RPS6KC1: variants seen among roughly 807,000 people sequenced by gnomAD.
RPS6KC1 encodes ribosomal protein S6 kinase C1.
In RPS6KC1, 54 loss-of-function variants were observed where a neutral mutation model predicts 103.8. The ratio of observed to expected loss-of-function variants is 0.52; its 90% confidence interval spans 0.42 to 0.65. The LOEUF is 0.65. RPS6KC1 is among the 30% of genes least tolerant of loss of function. The pLI is 0.00. For missense variants in RPS6KC1, 1,151 were observed against 1,253.8 expected, an observed-to-expected ratio of 0.92 and a Z score of 1.24; for synonymous variants, 439 against 438.7, an observed-to-expected ratio of 1.00 and a Z score of -0.01.
intron 8 of RPS6KC1, among the ~76,000 whole-genome samples, chr1:213,229,039 G>T (rs2094026170): frequency 6.6e-6 from 1 of 152,150 alleles, no homozygotes; most frequent in Non-Finnish European, 1.5e-5. Flanking sequence ...TTCAGAGCAT[G>T]CATGGAAGAT....
the RPS6KC1 span, among the ~76,000 whole-genome samples, chr1:213,316,765 CAG>C: frequency 6.6e-6 from 1 of 151,138 alleles, no homozygotes; most frequent in Non-Finnish European, 1.5e-5. Flanking sequence ...TATTTTTACA[CAG>C]AGTGATTGAG....
At chr1:213,662,334 C>A in the RPS6KC1 span, among the ~76,000 whole-genome samples, 1 of 151,874 alleles carries the variant, frequency 6.6e-6, no homozygotes, top group Non-Finnish European at 1.5e-5. Context: ...GTGGCATGAT[C>A]TCCTGCAACC....
At chr1:213,252,639 T>A (rs1457926934) in intron 12 of RPS6KC1, among the ~76,000 whole-genome samples, 1 of 152,210 alleles carries the variant, frequency 6.6e-6, no homozygotes, top group Non-Finnish European at 1.5e-5. Context: ...TTGTTCCTTA[T>A]GGTTTTTTTC....
At chr1:213,117,434 A>C (rs563418335) in intron 5 of RPS6KC1, 24 bp downstream of exon 5, 31 of 1,415,778 alleles carry the variant, frequency 2.2e-5, no homozygotes, top group Non-Finnish European at 2.9e-5. Flanking sequence ...ATTTTTTTGC[A>C]TTTCAAAGGT....
the RPS6KC1 span, among the ~76,000 whole-genome samples, chr1:213,698,710 A>G: frequency 0.46 from 69,783 of 151,808 alleles, 18,355 homozygotes; most frequent in East Asian, 0.66. Context: ...ACATCTTTCA[A>G]TATGTGTTCT....
the RPS6KC1 span, among the ~76,000 whole-genome samples, chr1:213,521,971 T>C: frequency 1.3e-4 from 20 of 152,232 alleles, no homozygotes; most frequent in Non-Finnish European, 2.4e-4. Flanking sequence ...CTCCTGTGAA[T>C]CACAAATGTT....
the RPS6KC1 span, among the ~76,000 whole-genome samples, chr1:213,527,456 C>G: frequency 1.3e-5 from 2 of 152,172 alleles, no homozygotes; most frequent in Non-Finnish European, 2.9e-5. Flanking sequence ...GACCTACTGT[C>G]TTTCCATGAT....
the RPS6KC1 span, among the ~76,000 whole-genome samples, chr1:213,343,440 T>TATACACATATACAC: frequency 1.2e-5 from 1 of 80,382 alleles, no homozygotes; most frequent in African/African-American, 5.0e-5. Context: ...TATATATATA[T>TATACACATATACAC]ACATACCATG....
At chr1:213,392,927 C>T in the RPS6KC1 span, among the ~76,000 whole-genome samples, 2 of 152,148 alleles carry the variant, frequency 1.3e-5, no homozygotes, top group African/African-American at 4.8e-5. Flanking sequence ...CTAGCTGGCT[C>T]TTTCTTTTCA....
the RPS6KC1 span, among the ~76,000 whole-genome samples, chr1:213,312,712 C>G: frequency 6.6e-6 from 1 of 152,208 alleles, no homozygotes; most frequent in African/African-American, 2.4e-5. Context: ...TTCCCCAGCT[C>G]CACAATATGA....
intron 1 of RPS6KC1, among the ~76,000 whole-genome samples, chr1:213,053,540 A>C (rs1349979290): frequency 6.6e-6 from 1 of 152,218 alleles, no homozygotes; most frequent in Non-Finnish European, 1.5e-5. Context: ...ATAGTAGAAG[A>C]GAGTTTAGTA....
chr1:213,646,076 G>C, the RPS6KC1 span, among the ~76,000 whole-genome samples: 8 of 152,316 alleles, frequency 5.3e-5, no homozygotes, highest in African/African-American at 1.9e-4. Flanking sequence ...AGCGTGTAAA[G>C]CATAACATAA....
At chr1:213,538,648 G>A in the RPS6KC1 span, among the ~76,000 whole-genome samples, 1 of 152,164 alleles carries the variant, frequency 6.6e-6, no homozygotes, top group South Asian at 2.1e-4. Flanking sequence ...TGGGCAGAGG[G>A]TGCAGGTAGG....
intron 3 of RPS6KC1, among the ~76,000 whole-genome samples, chr1:213,091,791 T>C (rs1278988944): frequency 1.3e-5 from 2 of 152,194 alleles, no homozygotes; most frequent in Non-Finnish European, 2.9e-5. Context: ...TAGGCCCAGT[T>C]GTTTATGTTT....
At chr1:213,528,530 C>T in the RPS6KC1 span, among the ~76,000 whole-genome samples, 1 of 152,250 alleles carries the variant, frequency 6.6e-6, no homozygotes, top group African/African-American at 2.4e-5. Context: ...ACAATTTGAT[C>T]TTTTGGTACA....
At chr1:213,765,520 T>G in the RPS6KC1 span, among the ~76,000 whole-genome samples, 3 of 152,314 alleles carry the variant, frequency 2.0e-5, no homozygotes, top group East Asian at 5.8e-4. Flanking sequence ...TTGAATTAGA[T>G]CCTCTTGAAG....
the RPS6KC1 span, among the ~76,000 whole-genome samples, chr1:213,531,724 C>A: frequency 6.6e-6 from 1 of 152,208 alleles, no homozygotes; most frequent in African/African-American, 2.4e-5. Flanking sequence ...CTAAACTCAG[C>A]ATGGCCTTCT....
intron 5 of RPS6KC1, among the ~76,000 whole-genome samples, chr1:213,128,451 A>G (rs1235596259): frequency 1.3e-5 from 2 of 152,228 alleles, no homozygotes; most frequent in African/African-American, 4.8e-5. Flanking sequence ...AAAGCTTTTT[A>G]GAGTCCACAA....
chr1:213,247,206 T>C (rs967036342), intron 12 of RPS6KC1, among the ~76,000 whole-genome samples: 1 of 152,222 alleles, frequency 6.6e-6, no homozygotes, highest in Non-Finnish European at 1.5e-5. Flanking sequence ...CCGATCTCCA[T>C]GCTCCCAGAT....
Sources: gnomAD v4.1 joint callset for allele counts (sites outside exome capture counted in the v4.1 genomes callset) on GRCh38, gnomAD v4.1.1 for gene constraint, MANE v1.5 for transcripts, NCBI Gene and HGNC (gene_info 2026-07-23, HGNC 2026-07-21) for gene names.